The following RBFOX1 variants were observed in gnomAD, a reference collection of about 807,000 sequenced individuals.
RBFOX1 encodes RNA binding protein fox-1 homolog 1.
RBFOX1 carries 8 observed loss-of-function variants against 57.7 expected under a neutral mutation model. The ratio of observed to expected loss-of-function variants is 0.14; its 90% CI spans 0.08 to 0.25. The LOEUF is 0.25. Among genes scored for constraint, RBFOX1 ranks in the 10% least tolerant of loss-of-function variants. RBFOX1 has a pLI of 1.00. For synonymous variants in RBFOX1, 326 were observed against 222.4 expected (o/e 1.47, Z -4.15); for missense variants, 611 against 548.5 (o/e 1.11, Z -1.14).
At chr16:6,849,475 C>G (rs1003147965) in intron 3 of RBFOX1, among the ~76,000 whole-genome samples, 1 of 152,144 alleles carries the variant, frequency 6.6e-6, no homozygotes, top group Non-Finnish European at 1.5e-5. Flanking sequence ...CGAGACCAGC[C>G]TCGCCAATAT....
At chr16:5,282,199 G>A (rs1887193092) in intron 1 of RBFOX1, among the ~76,000 whole-genome samples, 1 of 152,222 alleles carries the variant, frequency 6.6e-6, no homozygotes, top group South Asian at 2.1e-4. Context: ...CCTGTAAGAT[G>A]TGACTTGCCT....
intron 3 of RBFOX1, among the ~76,000 whole-genome samples, chr16:6,747,429 A>T (rs141016903): frequency 3.6e-5 from 5 of 138,228 alleles, no homozygotes; most frequent in African/African-American, 5.5e-5. Context: ...AAAATCTATC[A>T]GTCAGTCAGT....
intron 4 of RBFOX1, among the ~76,000 whole-genome samples, chr16:7,407,358 C>G (rs1413573047): frequency 7.2e-6 from 1 of 137,938 alleles, no homozygotes; most frequent in Non-Finnish European, 1.6e-5. Context: ...ATTTTGACTT[C>G]AAGGGATTTG....
intron 1 of RBFOX1, among the ~76,000 whole-genome samples, chr16:5,266,934 A>C (rs1369930174): frequency 6.6e-6 from 1 of 151,996 alleles, no homozygotes; most frequent in African/African-American, 2.4e-5. Flanking sequence ...TAATTCAATA[A>C]AGCATTTAGA....
At chr16:5,447,865 T>TG (rs1387297535) in intron 1 of RBFOX1, among the ~76,000 whole-genome samples, 1 of 152,228 alleles carries the variant, frequency 6.6e-6, no homozygotes, top group East Asian at 1.9e-4. Context: ...CCACCACCCC[T>TG]GTTTCCTGTG....
intron 2 of RBFOX1, among the ~76,000 whole-genome samples, chr16:5,547,735 G>C (rs2045273075): frequency 6.6e-6 from 1 of 152,104 alleles, no homozygotes; most frequent in Non-Finnish European, 1.5e-5. Context: ...CAAAAATCAT[G>C]TCCTGTGCAG....
chr16:6,800,803 C>A (rs1205747814), intron 3 of RBFOX1, among the ~76,000 whole-genome samples: 1 of 152,038 alleles, frequency 6.6e-6, no homozygotes, highest in Non-Finnish European at 1.5e-5. Context: ...ACTAAAATCT[C>A]ATGTGAGTGA....
In RBFOX1 at chr16:6,019,723, G is replaced by A. The variant is rs1420877919; in HGVS notation, c.-396G>A. Reference sequence around the variant, plus strand: ...CAGGCAGAGAGAGCAGGAGCGGACCGCGCGCCCGGGATTGAGAGTCCTTGC... The same window carrying A: ...CAGGCAGAGAGAGCAGGAGCGGACCACGCGCCCGGGATTGAGAGTCCTTGC... On this transcript the variant is annotated 5_prime_UTR_variant, in exon 1 of 16. Transcript: ENST00000550418. This position sits in a 1 kb window ranked among gnomAD's most constrained non-coding sequence, Gnocchi z 4.2. The A allele has an allele frequency of 1.0e-5, 14 of 1,368,974 alleles. No homozygotes were observed. In the African/African-American group the frequency reaches 1.8e-4, roughly 18 times the overall value. The allele number at this position is 1,368,974 out of a possible 1,614,324, so 84.8% of individuals were successfully genotyped here. A position where few individuals can be genotyped will look rare whatever the true frequency, so the allele number is the denominator to read the frequency against.
At chr16:5,595,949 G>C (rs879086318) in intron 2 of RBFOX1, among the ~76,000 whole-genome samples, 1 of 152,190 alleles carries the variant, frequency 6.6e-6, no homozygotes, top group African/African-American at 2.4e-5. Flanking sequence ...CTCTTGAGAA[G>C]AGCAGATTGA....
chr16:5,522,049 T>C (rs80095236), intron 2 of RBFOX1, among the ~76,000 whole-genome samples: 6,740 of 152,264 alleles, frequency 0.044, 512 homozygotes, highest in African/African-American at 0.15. Flanking sequence ...ACTGGGGTTC[T>C]GGAAATGTTT....
intron 1 of RBFOX1, among the ~76,000 whole-genome samples, chr16:5,273,788 C>T (rs1329369155): frequency 6.6e-6 from 1 of 152,092 alleles, no homozygotes; most frequent in Non-Finnish European, 1.5e-5. Context: ...GGATCATGAG[C>T]AGCTGGAAGA....
chr16:7,130,102 G>T (rs1431281919), intron 4 of RBFOX1, among the ~76,000 whole-genome samples: 1 of 147,386 alleles, frequency 6.8e-6, no homozygotes, highest in Admixed American at 6.8e-5. Flanking sequence ...GCGAGATCTT[G>T]GCCCACTGCA....
intron 3 of RBFOX1, among the ~76,000 whole-genome samples, chr16:6,954,836 C>G (rs753546197): frequency 1.3e-5 from 2 of 152,134 alleles, no homozygotes; most frequent in Non-Finnish European, 2.9e-5. Context: ...GGATTAGCAA[C>G]TTTATAACCT....
At chr16:7,062,234 C>T (rs984597442) in intron 4 of RBFOX1, among the ~76,000 whole-genome samples, 9 of 144,864 alleles carry the variant, frequency 6.2e-5, no homozygotes, top group South Asian at 2.2e-4. Context: ...CAGGAGAATG[C>T]CGTGAACCGA....
chr16:6,569,206 A>G (rs1471182217), intron 2 of RBFOX1, among the ~76,000 whole-genome samples: 1 of 152,206 alleles, frequency 6.6e-6, no homozygotes, highest in Non-Finnish European at 1.5e-5. Flanking sequence ...AAGTTATCTA[A>G]TACTCTGTAT....
At chr16:6,164,705 T>C (rs2096904104) in intron 1 of RBFOX1, among the ~76,000 whole-genome samples, 1 of 152,110 alleles carries the variant, frequency 6.6e-6, no homozygotes, top group Non-Finnish European at 1.5e-5. Context: ...CTCGAATTTC[T>C]GACCTCTGGT....
chr16:6,071,082 G>A (rs1422468706), intron 1 of RBFOX1, among the ~76,000 whole-genome samples: 1 of 152,132 alleles, frequency 6.6e-6, no homozygotes, highest in Non-Finnish European at 1.5e-5. Context: ...CAGCACTTTG[G>A]GAGGCTGAGG....
At chr16:6,506,888 T>A (rs1460957558) in intron 2 of RBFOX1, among the ~76,000 whole-genome samples, 7 of 152,122 alleles carry the variant, frequency 4.6e-5, no homozygotes, top group Admixed American at 3.3e-4. Flanking sequence ...CCTCAAGTGA[T>A]CCACCTGCCT....
At chr16:6,922,578 G>A (rs956439206) in intron 3 of RBFOX1, among the ~76,000 whole-genome samples, 29 of 152,180 alleles carry the variant, frequency 1.9e-4, no homozygotes, top group African/African-American at 6.3e-4. Flanking sequence ...CTTTTTTCGT[G>A]TGTGTGGAAT....
Sources: allele counts gnomAD v4.1 joint callset (sites outside exome capture counted in the v4.1 genomes callset), GRCh38; gene constraint gnomAD v4.1.1; non-coding constraint Gnocchi (gnomAD v3.1); transcripts MANE v1.5; gene names NCBI Gene and HGNC (gene_info 2026-07-23, HGNC 2026-07-21).